Variants in ZNF143 observed in about 807,000 individuals in gnomAD.
ZNF143 encodes zinc finger protein 143.
Under a neutral mutation model 74.1 loss-of-function variants are expected in ZNF143, and 49 were observed. The ratio of observed to expected loss-of-function variants is 0.66; its 90% CI spans 0.53 to 0.84. The LOEUF (loss-of-function observed/expected upper bound fraction) is 0.84, where lower values mean the gene tolerates loss of function less well. Among genes scored for constraint, ZNF143 ranks in the 40% least tolerant of loss-of-function variants. The pLI is 0.00. For synonymous variants in ZNF143, 304 were observed against 282.8 expected (o/e 1.07, Z -0.75); for missense variants, 637 against 793.4 (o/e 0.80, Z 2.37).
intron 2 of ZNF143, among the ~76,000 whole-genome samples, chr11:9,471,935 GTT>G (rs11285095): frequency 8.0e-5 from 11 of 136,820 alleles, no homozygotes; most frequent in Admixed American, 2.9e-4. Context: ...CTTTTCTTTT[GTT>G]TTTTTTTTTT....
At chr11:9,513,004 C>T (rs1307894293) in intron 13 of ZNF143, among the ~76,000 whole-genome samples, 2 of 152,208 alleles carry the variant, frequency 1.3e-5, no homozygotes, top group Admixed American at 6.5e-5. Flanking sequence ...GATCAGGAAT[C>T]ATGAGAGTTC....
At chr11:9,493,742 C>T (rs916930271) in intron 7 of ZNF143, among the ~76,000 whole-genome samples, 6 of 152,166 alleles carry the variant, frequency 3.9e-5, no homozygotes, top group Admixed American at 3.9e-4. Context: ...ACTGTCACCA[C>T]ATGGCTCACA....
chr11:9,510,841 A>C (rs1311869959), intron 12 of ZNF143, among the ~76,000 whole-genome samples: 1 of 152,102 alleles, frequency 6.6e-6, no homozygotes, highest in African/African-American at 2.4e-5. Context: ...TGGATTGTTG[A>C]AATTGCTGTT....
intron 7 of ZNF143, among the ~76,000 whole-genome samples, chr11:9,489,506 G>T (rs2313089): frequency 6.6e-6 from 1 of 152,156 alleles, no homozygotes; most frequent in Admixed American, 6.6e-5. Context: ...TCATTGGTTA[G>T]GAATTCAACA....
chr11:9,522,179 C>T (rs1848955580), intron 14 of ZNF143, among the ~76,000 whole-genome samples: 1 of 151,686 alleles, frequency 6.6e-6, no homozygotes, highest in Non-Finnish European at 1.5e-5. Flanking sequence ...TAGTTTCTAC[C>T]TTAAGAAAAA....
intron 7 of ZNF143, among the ~76,000 whole-genome samples, chr11:9,493,570 T>A (rs1237356069): frequency 6.6e-6 from 1 of 152,176 alleles, no homozygotes; most frequent in African/African-American, 2.4e-5. Flanking sequence ...TATATTCTTG[T>A]CATCTAATGC....
At chr11:9,484,410 T>G (rs1406806044) in intron 7 of ZNF143, among the ~76,000 whole-genome samples, 1 of 150,928 alleles carries the variant, frequency 6.6e-6, no homozygotes, top group Non-Finnish European at 1.5e-5. Flanking sequence ...TTTTTATATT[T>G]CACCTTGTTG....
intron 7 of ZNF143, among the ~76,000 whole-genome samples, chr11:9,489,330 C>T (rs999177337): frequency 6.6e-6 from 1 of 152,100 alleles, no homozygotes; most frequent in African/African-American, 2.4e-5. Context: ...GCTGTTGTCA[C>T]CCATGTCCCC....
chr11:9,475,905 T>A (rs147231335), intron 5 of ZNF143, among the ~76,000 whole-genome samples: 2,821 of 38,974 alleles, frequency 0.072, 42 homozygotes, highest in African/African-American at 0.11. Context: ...CTCAAAAAAA[T>A]ATATATGTGT....
At chr11:9,508,508 G>A in intron 11 of ZNF143, 111 bp from the exon 12 acceptor site, 1 of 889,322 alleles carries the variant, frequency 1.1e-6, no homozygotes, top group Non-Finnish European at 1.7e-6. Flanking sequence ...GGATGAGGAG[G>A]GGTTTGGCAA....
chr11:9,465,021 G>A (rs1856112578), intron 1 of ZNF143, among the ~76,000 whole-genome samples: 1 of 152,022 alleles, frequency 6.6e-6, no homozygotes, highest in Admixed American at 6.6e-5. Flanking sequence ...TGACAACTTA[G>A]GAAAATTTAT....
At position 9,504,673 on chromosome 11, in the gene ZNF143, CTTTTTT is replaced by C. The variant is rs869310966; in HGVS notation, c.1147+3417_1147+3422del. On this transcript the variant is annotated intron_variant, in intron 11 of 15. Transcript: ENST00000396602. ...ATTAAAAGACATTTTTTTCTTTTTT[CTTTTTT>C]TTTTTTTTTTTTTGAGACAGCGTCT... is the stretch of plus-strand genomic sequence containing the variant. 3.4e-5 allele frequency among the ~76,000 whole-genome samples: 3 copies of C among 89,446 alleles called. 1 individual carries two copies. The highest frequency in any genetic ancestry group is 7.8e-5 in the Non-Finnish European group (3 of 38,264). 58.7% of individuals were successfully genotyped at this position (89,446 alleles called of 152,430 possible). A position where few individuals can be genotyped will look rare whatever the true frequency, so the allele number is the denominator to read the frequency against.
chr11:9,461,620 C>T (rs954835266), intron 1 of ZNF143: 4 of 151,916 alleles, frequency 2.6e-5, no homozygotes, highest in Non-Finnish European at 5.9e-5. Flanking sequence ...CAGATTGTTT[C>T]CCCCTCACCC....
chr11:9,500,059 C>T (rs1038736260), intron 10 of ZNF143, among the ~76,000 whole-genome samples: 2 of 152,198 alleles, frequency 1.3e-5, no homozygotes, highest in Non-Finnish European at 2.9e-5. Context: ...CCCCCCATCT[C>T]ACCCTCCCGA....
chr11:9,479,592 T>G (rs1205825204), intron 7 of ZNF143, 46 bp downstream of exon 7: 2 of 1,499,138 alleles, frequency 1.3e-6, no homozygotes, highest in East Asian at 4.5e-5. Flanking sequence ...TTAGCATTTC[T>G]GTGCCCTTCT....
chr11:9,489,004 C>G (rs550106000), intron 7 of ZNF143, among the ~76,000 whole-genome samples: 1 of 152,162 alleles, frequency 6.6e-6, no homozygotes, highest in Non-Finnish European at 1.5e-5. Context: ...TCCTATCACA[C>G]CCAAATACTC....
In ZNF143 at chr11:9,471,960, TG is replaced by T. The variant is rs1177348100; in HGVS notation, c.112+541del. Among the ~76,000 whole-genome samples, 3 of 148,140 alleles carry T rather than the reference TG, an allele frequency of 2.0e-5. No individual in the cohort carries two copies. In the East Asian group the frequency reaches 6.1e-4, roughly 30 times the overall value. ...GTTTTTTTTTTTTGAGACAAGGTCTTGCTTTATCGCCCAGGCTGGAGTGCAG... is the reference window on the plus strand; with the variant it reads ...GTTTTTTTTTTTTGAGACAAGGTCTTCTTTATCGCCCAGGCTGGAGTGCAG... On this transcript the variant is annotated intron_variant, in intron 2 of 15. Transcript: ENST00000396602.
chr11:9,498,142 A>C (rs1030399071), intron 10 of ZNF143, among the ~76,000 whole-genome samples: 18 of 152,226 alleles, frequency 1.2e-4, no homozygotes, highest in Non-Finnish European at 1.8e-4. Context: ...GGCCAAGTTA[A>C]TCTGCAGGGA....
At chr11:9,524,148 T>G (rs189853604) in intron 14 of ZNF143, among the ~76,000 whole-genome samples, 92 of 152,082 alleles carry the variant, frequency 6.0e-4, no homozygotes, top group Non-Finnish European at 5.7e-4. Context: ...TCTGTACTGC[T>G]ATTCTGGCAG....
Sources: gnomAD v4.1 joint callset for allele counts (sites outside exome capture counted in the v4.1 genomes callset) on GRCh38, gnomAD v4.1.1 for gene constraint, MANE v1.5 for transcripts, NCBI Gene and HGNC (gene_info 2026-07-23, HGNC 2026-07-21) for gene names.